Variants in C11orf65 observed in about 807,000 individuals in gnomAD.
C11orf65 encodes the protein chromosome 11 open reading frame 65, also known as protein MFI.
In C11orf65, 38 loss-of-function variants were observed where a neutral mutation model predicts 35.3. The observed-to-expected ratio is 1.08, with a 90% CI of 0.83 to 1.41. C11orf65 has a LOEUF of 1.41. Among genes scored for constraint, C11orf65 ranks in the 40% most tolerant of loss-of-function variants. C11orf65 has a pLI of 0.00. For synonymous variants in C11orf65, 105 were observed against 114.4 expected (o/e 0.92, Z 0.53); for missense variants, 370 against 367.1 (o/e 1.01, Z -0.06).
At chr11:108,401,149 G>A (rs144795104) in intron 6 of C11orf65, among the ~76,000 whole-genome samples, 2 of 151,496 alleles carry the variant, frequency 1.3e-5, no homozygotes, top group Non-Finnish European at 1.5e-5. Context: ...TGCTCCCCTC[G>A]CTCCCCTCAC....
chr11:108,339,991 T>G (rs2087333461), intron 2 of C11orf65, among the ~76,000 whole-genome samples: 1 of 152,224 alleles, frequency 6.6e-6, no homozygotes, highest in Non-Finnish European at 1.5e-5. Context: ...GATACTCTAC[T>G]GAGTGCTAGG....
chr11:108,450,764 T>TA (rs1164936848), intron 2 of C11orf65, among the ~76,000 whole-genome samples: 3 of 151,370 alleles, frequency 2.0e-5, no homozygotes, highest in African/African-American at 4.9e-5. Context: ...CCCTAAAACT[T>TA]AAAGTATAAT....
intron 3 of C11orf65, among the ~76,000 whole-genome samples, chr11:108,425,292 A>T (rs1310513548): frequency 6.6e-6 from 1 of 152,192 alleles, no homozygotes; most frequent in African/African-American, 2.4e-5. Flanking sequence ...TCAAATAGAT[A>T]CAATAAAAAA....
Position 108,325,359 on chromosome 11 carries a change from C to T in C11orf65, c.641-16288G>A, listed in dbSNP as rs1060501641. ...TGAAGTATATATTAAGTGGCAGAAA[C>T]ACTCCCAGCTTCTCAAGGACAGTGA... On this transcript the variant is annotated intron_variant, in intron 6 of 6. Coordinates refer to the C11orf65 transcript ENST00000525729. The T allele has an allele frequency of 6.2e-7, 1 of 1,605,948 alleles. No individual in the cohort carries two copies. The highest frequency in any genetic ancestry group is 8.5e-7 in the Non-Finnish European group (1 of 1,177,040).
chr11:108,459,726 TACACAC>T (rs60928526), intron 2 of C11orf65, among the ~76,000 whole-genome samples: 44,300 of 138,482 alleles, frequency 0.32, 7,352 homozygotes, highest in Admixed American at 0.46. Flanking sequence ...GTCCTCCGTC[TACACAC>T]ACACACACAC....
Position 108,310,147 on chromosome 11 carries a change from C to T in C11orf65, c.641-1076G>A, listed in dbSNP as rs1057522554. 6.2e-7 allele frequency: 1 copy of T among 1,610,500 alleles called. No homozygotes were observed. The highest frequency in any genetic ancestry group is 8.5e-7 in the Non-Finnish European group (1 of 1,177,438). On this transcript the variant is annotated intron_variant, in intron 6 of 6. Transcript: ENST00000525729. ...TAAAAAAGTGAATGACATTATATCTCATTTTTCTTTAGACCTTCTTCAGGA... is the reference window on the plus strand; with the variant it reads ...TAAAAAAGTGAATGACATTATATCTTATTTTTCTTTAGACCTTCTTCAGGA...
chr11:108,341,363 T>G (rs1357970814), intron 2 of C11orf65, among the ~76,000 whole-genome samples: 4 of 152,122 alleles, frequency 2.6e-5, no homozygotes, highest in Non-Finnish European at 5.9e-5. Context: ...TTTTTTAAAC[T>G]TAAGTTTTGT....
chr11:108,466,388 ATATGG>A (rs2093538358), intron 1 of C11orf65, among the ~76,000 whole-genome samples: 1 of 152,184 alleles, frequency 6.6e-6, no homozygotes, highest in Admixed American at 6.5e-5. Flanking sequence ...AGCCTGGCCA[ATATGG>A]TGAAACCCTG....
chr11:108,399,331 T>C (rs116170230), intron 6 of C11orf65, among the ~76,000 whole-genome samples: 1,880 of 152,324 alleles, frequency 0.012, 47 homozygotes, highest in African/African-American at 0.042. Flanking sequence ...TTGCAAATGT[T>C]GATCAGCTGG....
chr11:108,390,953 A>C (rs2092145326), intron 7 of C11orf65, among the ~76,000 whole-genome samples: 1 of 151,866 alleles, frequency 6.6e-6, no homozygotes, highest in Non-Finnish European at 1.5e-5. Context: ...TATCCTTCTC[A>C]TCAGTATCTT....
intron 2 of C11orf65, 30 bp from the exon 3 acceptor site, chr11:108,431,868 C>A: frequency 1.5e-6 from 2 of 1,331,756 alleles, no homozygotes; most frequent in Non-Finnish European, 2.1e-6. Context: ...ATTTCATGAT[C>A]AAAACTGGAT....
At chr11:108,327,686 G>A (rs1591142466), downstream of C11orf65, 1 of 1,613,846 alleles carries the variant, frequency 6.2e-7, no homozygotes, top group African/African-American at 1.3e-5. Context: ...AATGTCTGAG[G>A]GTTTGTGGCA....
At chr11:108,311,310 G>T (rs766700955) in intron 6 of C11orf65, among the ~76,000 whole-genome samples, 1 of 152,066 alleles carries the variant, frequency 6.6e-6, no homozygotes, top group Non-Finnish European at 1.5e-5. Context: ...ACCCATTTGT[G>T]TACAGAAATG....
At chr11:108,439,342 C>T (rs1158440159) in intron 2 of C11orf65, among the ~76,000 whole-genome samples, 2 of 152,114 alleles carry the variant, frequency 1.3e-5, no homozygotes, top group African/African-American at 4.8e-5. Context: ...CAAGTATTGG[C>T]AAGGATATAG....
In C11orf65 at chr11:108,317,833, A is replaced by G. The variant is rs528204312; in HGVS notation, c.641-8762T>C. On this transcript the variant is annotated intron_variant, in intron 6 of 6. Transcript: ENST00000525729. ...GGCTTGAATTTTACTCTCTTATTCC[A>G]TTAGGACAACTTCACCCCACCCCTA... 8.2e-4 allele frequency among the ~76,000 whole-genome samples: 124 copies of G among 151,630 alleles called. 1 individual carries two copies. Among genetic ancestry groups the G allele is most frequent in the Non-Finnish European group, 5.0e-4 (34 of 67,880 alleles).
chr11:108,327,978 TCCTC>T (rs1275285267), downstream of C11orf65, among the ~76,000 whole-genome samples: 1 of 152,196 alleles, frequency 6.6e-6, no homozygotes, highest in African/African-American at 2.4e-5. Context: ...TATCTCTTCT[TCCTC>T]CTTCCTACCT....
At chr11:108,454,832 G>A (rs916354213) in intron 2 of C11orf65, among the ~76,000 whole-genome samples, 1 of 151,978 alleles carries the variant, frequency 6.6e-6, no homozygotes, top group Admixed American at 6.6e-5. Context: ...CCAACTCCTG[G>A]TTTTGTTGAT....
At position 108,347,342 on chromosome 11, in the gene C11orf65, C is replaced by G. The variant is rs2137083835; in HGVS notation, c.227-12050G>C. ...AATATCTTGATAAATGAGCAGTCAG[C>G]AGAACTTGTACATATAGATCTAGGT... is the stretch of plus-strand genomic sequence containing the variant. On this transcript the variant is annotated intron_variant, in intron 2 of 3. Transcript: ENST00000524755. 1 of 1,608,432 alleles carries G rather than the reference C, an allele frequency of 6.2e-7. No homozygotes were observed. The highest frequency in any genetic ancestry group is 8.5e-7 in the Non-Finnish European group (1 of 1,175,152).
chr11:108,468,006 A>G (rs1028357210), upstream of C11orf65, among the ~76,000 whole-genome samples: 1 of 151,912 alleles, frequency 6.6e-6, no homozygotes, highest in East Asian at 1.9e-4. Flanking sequence ...TTCTATTTTT[A>G]TTAATAGTGG....
Sources: allele counts gnomAD v4.1 joint callset (sites outside exome capture counted in the v4.1 genomes callset), GRCh38; gene constraint gnomAD v4.1.1; transcripts MANE v1.5; gene names NCBI Gene and HGNC (gene_info 2026-07-23, HGNC 2026-07-21).